Variants in PRR14L observed in about 807,000 individuals in gnomAD.
PRR14L encodes proline rich 14 like, also known as protein PRR14L.
PRR14L carries 80 observed loss-of-function variants against 155.0 expected under a neutral mutation model. The ratio of observed to expected loss-of-function variants is 0.52; its 90% confidence interval spans 0.43 to 0.62. The LOEUF (loss-of-function observed/expected upper bound fraction) is 0.62. Ranked by LOEUF, PRR14L falls within the 20% of genes least tolerant of loss-of-function variation. The pLI is 0.00. For synonymous variants in PRR14L, 883 were observed against 916.0 expected, an observed-to-expected ratio of 0.96 and a Z score of 0.65; for missense variants, 2,469 against 2,548.0, an observed-to-expected ratio of 0.97 and a Z score of 0.67.
intron 7 of PRR14L, among the ~76,000 whole-genome samples, chr22:31,689,865 C>G (rs2074502524): frequency 6.6e-6 from 1 of 152,092 alleles, no homozygotes; most frequent in South Asian, 2.1e-4. Flanking sequence ...TCCTGCCCAG[C>G]CTCCTCAGTA....
At chr22:31,709,315 C>T (rs535353297) in intron 4 of PRR14L, among the ~76,000 whole-genome samples, 21 of 150,890 alleles carry the variant, frequency 1.4e-4, no homozygotes, top group Admixed American at 4.0e-4. Context: ...TGCGATGGCA[C>T]GATCTTGGCT....
intron 1 of PRR14L, among the ~76,000 whole-genome samples, chr22:31,740,867 C>G (rs184715890): frequency 6.6e-6 from 1 of 152,088 alleles, no homozygotes; most frequent in Non-Finnish European, 1.5e-5. Flanking sequence ...TTAGGCTGGG[C>G]GCAGTGGCTC....
At chr22:31,702,502 T>G (rs567646848) in intron 6 of PRR14L, among the ~76,000 whole-genome samples, 65 of 152,210 alleles carry the variant, frequency 4.3e-4, no homozygotes, top group Middle Eastern at 3.4e-3. Context: ...ATTACAGATG[T>G]GAGCCACCGC....
At chr22:31,741,530 G>A (rs907463358) in intron 1 of PRR14L, among the ~76,000 whole-genome samples, 1 of 152,086 alleles carries the variant, frequency 6.6e-6, no homozygotes, top group African/African-American at 2.4e-5. Context: ...TGTGTACAGG[G>A]GAAGAGCGAG....
chr22:31,732,417 T>C (rs534364344), intron 2 of PRR14L, among the ~76,000 whole-genome samples: 1 of 152,192 alleles, frequency 6.6e-6, no homozygotes, highest in African/African-American at 2.4e-5. Context: ...GCTAAACACC[T>C]GCTTTCCTTC....
chr22:31,715,421 A>G lies in PRR14L; in HGVS notation c.2418T>C (p.Ala806=), dbSNP rs1427352816. 5 of 1,552,370 alleles carry G rather than the reference A, an allele frequency of 3.2e-6. No homozygotes were observed. The South Asian group carries it at 5.9e-5, about 18-fold the overall frequency. Residue 806 remains alanine (A), a synonymous_variant, in exon 4 of 9, where the codon GCT becomes GCC. Coordinates refer to ENST00000327423, the MANE Select transcript of PRR14L (RefSeq NM_173566.3). ...SQENMCSASA[A]FKSSKISLQV... ...GCAGGCTGATTTTGCTGGACTTGAA[A>G]GCAGCAGAAGCAGAACACATGTTTT... is the stretch of plus-strand genomic sequence containing the variant.
At chr22:31,689,728 G>A (rs979900623) in intron 7 of PRR14L, among the ~76,000 whole-genome samples, 4 of 151,248 alleles carry the variant, frequency 2.6e-5, no homozygotes, top group African/African-American at 7.3e-5. Context: ...TGCCACCACA[G>A]CCGGCTTATT....
intron 7 of PRR14L, among the ~76,000 whole-genome samples, chr22:31,696,189 T>C (rs913518075): frequency 6.6e-6 from 1 of 151,888 alleles, no homozygotes; most frequent in Non-Finnish European, 1.5e-5. Flanking sequence ...TTGCCCAGGC[T>C]GGAGAGCAGT....
chr22:31,696,901 G>T (rs1428136551), intron 7 of PRR14L, among the ~76,000 whole-genome samples: 1 of 152,136 alleles, frequency 6.6e-6, no homozygotes, highest in Non-Finnish European at 1.5e-5. Context: ...GATCACATGA[G>T]GTCAGGAGTT....
rs77826857 is a variant in PRR14L, at chr22:31,711,040, T to G, written c.5756+1043A>C. On this transcript the variant is annotated intron_variant, in intron 4 of 8. Transcript: ENST00000327423. ...ATTAACTAAAAATATATTTATTCTG[T>G]GTTCTCTACATATCAGAGTTAGGTG... 1.1e-4 allele frequency among the ~76,000 whole-genome samples: 17 copies of G among 152,344 alleles called. No homozygotes were observed. In the East Asian group the frequency reaches 3.3e-3, roughly 29 times the overall value.
chr22:31,708,704 G>A (rs1244090898), intron 4 of PRR14L, among the ~76,000 whole-genome samples: 2 of 152,066 alleles, frequency 1.3e-5, no homozygotes, highest in African/African-American at 4.8e-5. Context: ...ATAGTGGCAC[G>A]ATCTCGGCTC....
chr22:31,745,859 AAAAT>A lies in PRR14L; in HGVS notation c.-52+4130_-52+4133del, dbSNP rs1253213913. On this transcript the variant is annotated intron_variant, in intron 1 of 8. Coordinates refer to ENST00000327423, the MANE Select transcript of PRR14L (RefSeq NM_173566.3). Reference sequence around the variant, plus strand: ...GACTCAGTTTAAAAAAAAAAAAAAAAAAATATATATATATATATAAGCCAAGTAT... The same window carrying A: ...GACTCAGTTTAAAAAAAAAAAAAAAAATATATATATATATAAGCCAAGTAT... 5.7e-5 allele frequency among the ~76,000 whole-genome samples: 8 copies of A among 139,504 alleles called. No individual in the cohort carries two copies. In the East Asian group the frequency reaches 1.2e-3, roughly 21 times the overall value. 91.5% of individuals were successfully genotyped at this position (139,504 alleles called of 152,430 possible).
Position 31,716,516 on chromosome 22 carries a change from A to G in PRR14L, c.1323T>C (p.Asn441=). Residue 441 remains asparagine, a synonymous_variant, in exon 4 of 9, where the codon AAT becomes AAC. Coordinates refer to ENST00000327423, the MANE Select transcript of PRR14L (RefSeq NM_173566.3). ...EKEPVVSPKE[N]IHNNCIQDSL... is the part of the protein sequence containing the mutation. ...TGTCTTGAATGCAGTTATTGTGGATATTTTCCTTTGGAGAAACAACAGGCT... is the reference window on the plus strand; with the variant it reads ...TGTCTTGAATGCAGTTATTGTGGATGTTTTCCTTTGGAGAAACAACAGGCT... 1 of 1,546,274 alleles carries G rather than the reference A, an allele frequency of 6.5e-7. No homozygotes were observed. The highest frequency in any genetic ancestry group is 2.4e-5 in the East Asian group (1 of 40,910).
chr22:31,722,585 C>T (rs1814248360), intron 3 of PRR14L, among the ~76,000 whole-genome samples: 1 of 147,748 alleles, frequency 6.8e-6, no homozygotes, highest in African/African-American at 2.5e-5. Context: ...TGCAGTGGAG[C>T]GATCCCCGCT....
chr22:31,727,886 G>A (rs1326897046), intron 2 of PRR14L, among the ~76,000 whole-genome samples: 1 of 151,848 alleles, frequency 6.6e-6, no homozygotes, highest in Middle Eastern at 3.2e-3. Flanking sequence ...GGGTGCTGAG[G>A]CAGGAGGATC....
chr22:31,687,721 A>G (rs2074489340), intron 8 of PRR14L, among the ~76,000 whole-genome samples: 2 of 151,618 alleles, frequency 1.3e-5, no homozygotes, highest in Admixed American at 6.6e-5. Context: ...AAGTGCTGCA[A>G]TTGAAAATAC....
At chr22:31,730,544 T>C (rs1221626454) in intron 2 of PRR14L, among the ~76,000 whole-genome samples, 1 of 152,204 alleles carries the variant, frequency 6.6e-6, no homozygotes, top group Non-Finnish European at 1.5e-5. Flanking sequence ...CCTATCACGG[T>C]GTTAGGGTGC....
At position 31,738,661 on chromosome 22, in the gene PRR14L, A is replaced by G; in HGVS notation, c.200T>C (p.Leu67Pro). 2.6e-6 allele frequency: 4 copies of G among 1,552,116 alleles called. No homozygotes were observed. In the South Asian group the frequency reaches 4.8e-5, roughly 18 times the overall value. The change falls in exon 2 of 9, where the codon CTG (leucine) becomes CCG (proline). Residue 67 changes from leucine (L) to proline (P), a missense_variant. Physicochemically the swap from Leu to Pro is moderately conservative, Grantham distance 98 (BLOSUM62 -3). Transcript: ENST00000327423. ...LSQNRALPLE[L>P]QRTHVESCCE... ...ACAACTCTCCACATGAGTCCTCTGC[A>G]GCTCCAAGGGCAATGCCCTATTCTG...
At chr22:31,749,323 AAGAAG>A (rs1177941360) in intron 1 of PRR14L, among the ~76,000 whole-genome samples, 1 of 152,218 alleles carries the variant, frequency 6.6e-6, no homozygotes, top group Admixed American at 6.5e-5. Context: ...GCTTAAAGGG[AAGAAG>A]AGAAGCGAGG....
Sources: allele counts gnomAD v4.1 joint callset (sites outside exome capture counted in the v4.1 genomes callset), GRCh38; gene constraint gnomAD v4.1.1; transcripts MANE v1.5; gene names NCBI Gene and HGNC (gene_info 2026-07-23, HGNC 2026-07-21).